The following MCTP1 variants were observed in gnomAD, a reference collection of about 807,000 sequenced individuals.
The protein encoded by MCTP1 is multiple C2 and transmembrane domain containing 1.
MCTP1 carries 69 observed loss-of-function variants against 120.6 expected under a neutral mutation model. That is an observed-to-expected ratio of 0.57 (90% CI 0.47 to 0.70). The LOEUF (loss-of-function observed/expected upper bound fraction) is 0.70, where lower values mean the gene tolerates loss of function less well. MCTP1 is among the 30% of genes least tolerant of loss of function. The probability of loss-of-function intolerance (pLI) is 0.00; values close to 1 mark genes in which losing one functional copy is unlikely to be tolerated. For missense variants in MCTP1, 1,203 were observed against 1,248.8 expected, an observed-to-expected ratio of 0.96 and a Z score of 0.55; for synonymous variants, 529 against 493.1, an observed-to-expected ratio of 1.07 and a Z score of -0.96.
chr5:94,828,726 G>A (rs565480776), intron 17 of MCTP1, among the ~76,000 whole-genome samples: 9 of 152,248 alleles, frequency 5.9e-5, no homozygotes, highest in African/African-American at 2.2e-4. Flanking sequence ...TGCCCATTCC[G>A]AACTTCCTGG....
At chr5:94,797,214 T>A (rs1057473957) in intron 18 of MCTP1, among the ~76,000 whole-genome samples, 1 of 152,106 alleles carries the variant, frequency 6.6e-6, no homozygotes, top group East Asian at 1.9e-4. Context: ...CTGGAGAAGA[T>A]AACAAGCAAA....
chr5:95,269,083 G>A (rs565311586), intron 1 of MCTP1, among the ~76,000 whole-genome samples: 1 of 152,228 alleles, frequency 6.6e-6, no homozygotes, highest in East Asian at 1.9e-4. Flanking sequence ...ATAAAATGAG[G>A]CTAAGAATTC....
intron 19 of MCTP1, among the ~76,000 whole-genome samples, chr5:94,773,262 A>G (rs1327224104): frequency 6.6e-6 from 1 of 152,230 alleles, no homozygotes; most frequent in Non-Finnish European, 1.5e-5. Context: ...ACTGTAAAAT[A>G]TACCTCAGTT....
intron 1 of MCTP1, among the ~76,000 whole-genome samples, chr5:95,119,590 G>A (rs979656295): frequency 1.3e-5 from 2 of 152,024 alleles, no homozygotes; most frequent in Non-Finnish European, 2.9e-5. Context: ...GCACAAAGTT[G>A]GTTTTTTGAA....
intron 1 of MCTP1, among the ~76,000 whole-genome samples, chr5:95,029,490 G>A (rs755247823): frequency 2.6e-5 from 4 of 152,172 alleles, no homozygotes; most frequent in Non-Finnish European, 5.9e-5. Context: ...AGTTCTAAAT[G>A]GGAAAGTGAG....
At chr5:94,799,869 C>A (rs1424809435) in intron 17 of MCTP1, among the ~76,000 whole-genome samples, 1 of 152,134 alleles carries the variant, frequency 6.6e-6, no homozygotes. Context: ...AGAACACTTA[C>A]ATTATAAAAC....
At chr5:95,210,542 T>C (rs1752227661) in intron 1 of MCTP1, among the ~76,000 whole-genome samples, 2 of 147,470 alleles carry the variant, frequency 1.4e-5, no homozygotes, top group African/African-American at 2.5e-5. Context: ...TCTTCCTCCA[T>C]CCTTTTATTT....
intron 10 of MCTP1, among the ~76,000 whole-genome samples, chr5:94,906,302 A>G (rs1674953980): frequency 1.3e-5 from 2 of 152,166 alleles, no homozygotes; most frequent in South Asian, 4.1e-4. Context: ...CCTTGGCAGC[A>G]TGGCAAAACG....
chr5:95,212,113 C>G (rs975837215), intron 1 of MCTP1, among the ~76,000 whole-genome samples: 1 of 152,072 alleles, frequency 6.6e-6, no homozygotes, highest in Non-Finnish European at 1.5e-5. Context: ...AATTGACAGA[C>G]TGCTAGCAAG....
At chr5:94,870,184 C>A (rs1409455146) in intron 16 of MCTP1, among the ~76,000 whole-genome samples, 1 of 152,124 alleles carries the variant, frequency 6.6e-6, no homozygotes, top group East Asian at 1.9e-4. Context: ...CCTTTCCTTT[C>A]TGACCACCCC....
At position 95,060,950 on chromosome 5, in the gene MCTP1, A is replaced by AAAGAAAAG. The variant is rs1408743748; in HGVS notation, c.721-43467_721-43466insCTTTTCTT. Among the ~76,000 whole-genome samples the AAAGAAAAG allele has an allele frequency of 1.7e-4, 26 of 149,318 alleles. 2 individuals carry two copies. The highest frequency in any genetic ancestry group is 5.8e-4 in the African/African-American group (23 of 39,384). On this transcript the variant is annotated intron_variant, in intron 1 of 22. Coordinates refer to ENST00000515393, the MANE Select transcript of MCTP1 (RefSeq NM_024717.7). Reference sequence around the variant, plus strand: ...GAGCATGCCACTCCACAAAAAAAAAAAAAAGAAAAGAAAAGAAAAGAAAAT... The same window carrying AAAGAAAAG: ...GAGCATGCCACTCCACAAAAAAAAAAAAGAAAAGAAAAGAAAAGAAAAGAAAAGAAAAT...
At chr5:95,086,786 T>C (rs1484944094) in intron 1 of MCTP1, among the ~76,000 whole-genome samples, 1 of 152,190 alleles carries the variant, frequency 6.6e-6, no homozygotes, top group Admixed American at 6.5e-5. Flanking sequence ...TTATTAGAGA[T>C]GGTGAAAATT....
chr5:95,138,740 A>C (rs1217520640), intron 1 of MCTP1, among the ~76,000 whole-genome samples: 1 of 152,158 alleles, frequency 6.6e-6, no homozygotes, highest in Non-Finnish European at 1.5e-5. Context: ...ATTCCTTATC[A>C]CAAGGTATTA....
chr5:95,045,318 C>A (rs560082802), intron 1 of MCTP1, among the ~76,000 whole-genome samples: 1 of 152,118 alleles, frequency 6.6e-6, no homozygotes, highest in Admixed American at 6.6e-5. Flanking sequence ...CCTGCTGTTT[C>A]CTTATCACAG....
chr5:94,760,880 C>A (rs907791287), intron 19 of MCTP1, among the ~76,000 whole-genome samples: 4 of 151,898 alleles, frequency 2.6e-5, no homozygotes, highest in Admixed American at 6.6e-5. Context: ...AGACAGGGTC[C>A]CACTATGTCA....
chr5:94,806,017 T>C (rs552650184), intron 17 of MCTP1, among the ~76,000 whole-genome samples: 1 of 151,810 alleles, frequency 6.6e-6, no homozygotes, highest in Non-Finnish European at 1.5e-5. Flanking sequence ...TACAAAGAAA[T>C]GGAATGCCAC....
At chr5:94,957,956 A>G (rs1823067529) in intron 2 of MCTP1, among the ~76,000 whole-genome samples, 2 of 152,224 alleles carry the variant, frequency 1.3e-5, no homozygotes, top group South Asian at 4.1e-4. Context: ...CCCCAGATCA[A>G]TAGAATATAC....
chr5:95,212,632 G>A (rs1336064739), intron 1 of MCTP1, among the ~76,000 whole-genome samples: 11 of 151,580 alleles, frequency 7.3e-5, no homozygotes, highest in Non-Finnish European at 1.5e-4. Context: ...CTGGCAAACC[G>A]AATCCAGCAG....
intron 6 of MCTP1, among the ~76,000 whole-genome samples, chr5:94,930,259 AAAGAAGAATTTTTTT>A (rs1814265139): frequency 6.8e-6 from 1 of 146,878 alleles, no homozygotes. Context: ...TATAATTTTT[AAAGAAGAATTTTTTT>A]TTTTTTTTTT....
Sources: gnomAD v4.1 joint callset for allele counts (sites outside exome capture counted in the v4.1 genomes callset) on GRCh38, gnomAD v4.1.1 for gene constraint, MANE v1.5 for transcripts, NCBI Gene and HGNC (gene_info 2026-07-23, HGNC 2026-07-21) for gene names.